KLHL24: variants seen among roughly 807,000 people sequenced by gnomAD.
KLHL24 encodes the protein kelch like family member 24, also known as kelch-like protein 24.
A neutral mutation model predicts 53.4 loss-of-function variants in KLHL24; 29 were observed. The ratio of observed to expected loss-of-function variants is 0.54; its 90% CI spans 0.40 to 0.74. The LOEUF is 0.74. KLHL24 is among the 30% of genes least tolerant of loss of function. The pLI is 0.00. For synonymous variants in KLHL24, 222 were observed against 253.7 expected, an observed-to-expected ratio of 0.88 and a Z score of 1.19; for missense variants, 504 against 744.0, an observed-to-expected ratio of 0.68 and a Z score of 3.75.
chr3:183,670,612 A>G (rs931718495), intron 5 of KLHL24, among the ~76,000 whole-genome samples: 1 of 152,186 alleles, frequency 6.6e-6, no homozygotes, highest in Non-Finnish European at 1.5e-5. Context: ...ATAATAATCA[A>G]ATATTTCATT....
chr3:183,655,281 G>T (rs982849025), intron 3 of KLHL24, among the ~76,000 whole-genome samples: 1 of 152,154 alleles, frequency 6.6e-6, no homozygotes, highest in Admixed American at 6.5e-5. Flanking sequence ...TAAACCCTTA[G>T]GTGTGTGGAA....
At chr3:183,671,505 TA>T (rs1485677094) in intron 6 of KLHL24, among the ~76,000 whole-genome samples, 2 of 152,246 alleles carry the variant, frequency 1.3e-5, no homozygotes, top group Non-Finnish European at 2.9e-5. Context: ...TGCTGTCATC[TA>T]CAAAATCTAA....
In KLHL24 at chr3:183,673,441, T is replaced by C. The variant is rs78992094; in HGVS notation, c.1602+957T>C. On this transcript the variant is annotated intron_variant, in intron 7 of 7. Coordinates refer to ENST00000242810, the MANE Select transcript of KLHL24 (RefSeq NM_017644.3). Reference sequence around the variant, plus strand: ...CAATCCTACTCCAGTATTTATCCCCTCTCTTTCATATTTCAGAAGAGAGGA... The same window carrying C: ...CAATCCTACTCCAGTATTTATCCCCCCTCTTTCATATTTCAGAAGAGAGGA... Among the ~76,000 whole-genome samples, 1,260 of 152,110 alleles carry C rather than the reference T, an allele frequency of 8.3e-3. 21 individuals are homozygous for C. The highest frequency in any genetic ancestry group is 0.028 in the African/African-American group (1,168 of 41,472).
chr3:183,643,619 G>A (rs1716792383), intron 2 of KLHL24, 77 bp downstream of exon 2: 1 of 152,074 alleles, frequency 6.6e-6, no homozygotes, highest in Non-Finnish European at 1.5e-5. Flanking sequence ...TTTAACCAGG[G>A]ATCACTTAAG....
At chr3:183,648,933 G>A (rs778217379) in intron 2 of KLHL24, among the ~76,000 whole-genome samples, 77 of 152,104 alleles carry the variant, frequency 5.1e-4, no homozygotes, top group Non-Finnish European at 2.1e-4. Flanking sequence ...AACCTAGGAG[G>A]TGGAGATTGC....
chr3:183,673,063 G>C (rs1461967176), intron 7 of KLHL24: 2 of 151,704 alleles, frequency 1.3e-5, no homozygotes, highest in African/African-American at 4.8e-5. Flanking sequence ...AAATTAGCTG[G>C]GTTTGGTGGC....
At position 183,658,212 on chromosome 3, in the gene KLHL24, C is replaced by CAA. The variant is rs35529680; in HGVS notation, c.921-5231_921-5230dup. On this transcript the variant is annotated intron_variant, in intron 3 of 7. Transcript: ENST00000242810. ...TGGATGACAGAGCGAGACTCTGTCT[C>CAA]AAAAAAAAAAAAAAAATTCTTTGCA... 1.4e-3 allele frequency among the ~76,000 whole-genome samples: 185 copies of CAA among 135,578 alleles called. 3 individuals are homozygous for CAA. The highest frequency in any genetic ancestry group is 2.2e-3 in the African/African-American group (85 of 38,868). 88.9% of individuals were successfully genotyped at this position (135,578 alleles called of 152,430 possible).
chr3:183,669,215 G>T (rs1335327353), intron 5 of KLHL24, among the ~76,000 whole-genome samples: 1 of 151,380 alleles, frequency 6.6e-6, no homozygotes, highest in Non-Finnish European at 1.5e-5. Context: ...AGCCAAGCAT[G>T]GTGGCGGGCA....
intron 3 of KLHL24, among the ~76,000 whole-genome samples, chr3:183,656,091 G>C (rs144351181): frequency 8.5e-6 from 1 of 118,222 alleles, no homozygotes; most frequent in African/African-American, 3.4e-5. Flanking sequence ...CTGTTACTCA[G>C]ACTGGTGTGT....
At chr3:183,644,220 C>T (rs1264183580) in intron 2 of KLHL24, 5 of 151,714 alleles carry the variant, frequency 3.3e-5, no homozygotes, top group African/African-American at 1.2e-4. Flanking sequence ...GCGTCCACAA[C>T]CACGCCCAGC....
At chr3:183,660,130 T>C (rs905531355) in intron 3 of KLHL24, among the ~76,000 whole-genome samples, 19 of 132,972 alleles carry the variant, frequency 1.4e-4, no homozygotes, top group Middle Eastern at 7.5e-3. Context: ...CGTTTTTCTT[T>C]CTTTTTTTTT....
intron 5 of KLHL24, among the ~76,000 whole-genome samples, chr3:183,665,333 C>T (rs1007470250): frequency 6.6e-6 from 1 of 152,202 alleles, no homozygotes; most frequent in Admixed American, 6.5e-5. Flanking sequence ...ACATCAAATA[C>T]AGACAGGCCA....
At chr3:183,639,523 G>T (rs922350656) in intron 1 of KLHL24, among the ~76,000 whole-genome samples, 1 of 149,830 alleles carries the variant, frequency 6.7e-6, no homozygotes, top group Non-Finnish European at 1.5e-5. Flanking sequence ...CCAGCTACTC[G>T]GGAGGCTGAG....
Position 183,680,620 on chromosome 3 carries a change from T to A in KLHL24, c.*1334T>A, listed in dbSNP as rs1712580803. On this transcript the variant is annotated 3_prime_UTR_variant, in exon 8 of 8. Coordinates refer to ENST00000242810, the MANE Select transcript of KLHL24 (RefSeq NM_017644.3). ...TTCAAGCTTCTGTACAACAGACTGC[T>A]TTTGTCTAGATTTCTCAACTCCACT... The A allele has an allele frequency of 6.6e-6, 1 of 152,254 alleles. No individual in the cohort carries two copies. The highest frequency in any genetic ancestry group is 1.5e-5 in the Non-Finnish European group (1 of 68,050). The allele number at this position is 152,254 out of a possible 1,614,324, so 9.4% of individuals were successfully genotyped here.
intron 5 of KLHL24, among the ~76,000 whole-genome samples, chr3:183,667,368 A>T (rs1437486134): frequency 2.0e-5 from 3 of 152,198 alleles, no homozygotes; most frequent in African/African-American, 7.2e-5. Flanking sequence ...AGATTTTGCC[A>T]CTGCAGTCAG....
rs1221564936 is a variant in KLHL24 at position 183,639,546 on chromosome 3, C to G, written c.-125+3753C>G. Among the ~76,000 whole-genome samples, 3 of 144,344 alleles carry G rather than the reference C, an allele frequency of 2.1e-5. No homozygotes were observed. The South Asian group carries it at 6.8e-4, about 33-fold the overall frequency. 94.7% of individuals were successfully genotyped at this position (144,344 alleles called of 152,430 possible). On this transcript the variant is annotated intron_variant, in intron 1 of 7. Transcript: ENST00000242810. ...TCGGGAGGCTGAGGCAGGAGAATGG[C>G]GTGAACCCAGGAGGCGGAGCTTGCA...
intron 3 of KLHL24, among the ~76,000 whole-genome samples, chr3:183,654,246 C>T (rs1237345381): frequency 6.6e-6 from 1 of 152,158 alleles, no homozygotes; most frequent in Non-Finnish European, 1.5e-5. Context: ...TCCTATTTCT[C>T]CAGTTGCTCT....
intron 7 of KLHL24, among the ~76,000 whole-genome samples, chr3:183,676,851 T>C (rs1196968438): frequency 6.6e-6 from 1 of 151,982 alleles, no homozygotes; most frequent in Non-Finnish European, 1.5e-5. Flanking sequence ...CTGATTCTTT[T>C]TGTCTATTGT....
Position 183,650,897 on chromosome 3 carries a change from A to G in KLHL24, c.541A>G (p.Lys181Glu). ...IQRFADTHSL[K>E]TLFTKCKNFA... ...GCGCTTTGCTGATACCCATTCACTC[A>G]AAACACTCTTCACAAAATGCAAAAA... The change falls in exon 3 of 8, where the codon AAA (lysine) becomes GAA (glutamate). Residue 181 changes from lysine to glutamate, a missense_variant. Transcript: ENST00000242810. This position sits in a 1 kb window ranked among gnomAD's most constrained non-coding sequence, Gnocchi z 4.5. 6.2e-7 allele frequency: 1 copy of G among 1,614,214 alleles called. No individual in the cohort carries two copies. Among genetic ancestry groups the G allele is most frequent in the South Asian group, 1.1e-5 (1 of 91,086 alleles).
Sources: gnomAD v4.1 joint callset for allele counts (sites outside exome capture counted in the v4.1 genomes callset) on GRCh38, gnomAD v4.1.1 for gene constraint, Gnocchi (gnomAD v3.1) non-coding constraint, MANE v1.5 for transcripts, NCBI Gene and HGNC (gene_info 2026-07-23, HGNC 2026-07-21) for gene names.